ETNPPL: variants seen among roughly 807,000 people sequenced by gnomAD.
ETNPPL encodes the protein alanine--glyoxylate aminotransferase 2-like 1.
In ETNPPL, 30 loss-of-function variants were observed where a neutral mutation model predicts 55.5. The observed-to-expected ratio is 0.54, with a 90% CI of 0.40 to 0.73. ETNPPL has a LOEUF of 0.73. Ranked by LOEUF, ETNPPL falls within the 30% of genes least tolerant of loss-of-function variation. The probability of loss-of-function intolerance (pLI) is 0.00; values close to 1 mark genes in which losing one functional copy is unlikely to be tolerated. For missense variants in ETNPPL, 528 were observed against 607.9 expected, an observed-to-expected ratio of 0.87 and a Z score of 1.38; for synonymous variants, 202 against 207.2, an observed-to-expected ratio of 0.98 and a Z score of 0.21.
chr4:108,762,494 C>T, intron 1 of ETNPPL: 1 of 665,688 alleles, frequency 1.5e-6, no homozygotes, highest in Non-Finnish European at 2.8e-6. Context: ...TGGCGGAGCG[C>T]TATCCTTCTT....
Position 108,742,223 on chromosome 4 carries a change from T to C in ETNPPL, c.*261A>G. On this transcript the variant is annotated 3_prime_UTR_variant, in exon 13 of 13. Coordinates refer to ENST00000296486, the MANE Select transcript of ETNPPL (RefSeq NM_031279.4). ...TAAATCTGCCAATTTATTTTGAGTT[T>C]GCAAGCTTACAATTTAATAGAATAA... 1 of 280,300 alleles carries C rather than the reference T, an allele frequency of 3.6e-6. No homozygotes were observed. Among genetic ancestry groups the C allele is most frequent in the Non-Finnish European group, 6.8e-6 (1 of 146,454 alleles). The allele number at this position is 280,300 out of a possible 1,614,324, so 17.4% of individuals were successfully genotyped here.
At chr4:108,751,146 C>A in intron 6 of ETNPPL, 128 bp from the exon 7 acceptor site, 3 of 501,800 alleles carry the variant, frequency 6.0e-6, no homozygotes, top group South Asian at 3.2e-5. Flanking sequence ...GGCAAATTAG[C>A]CATTTGATTA....
At chr4:108,760,060 T>A (rs1729434535) in intron 2 of ETNPPL, 128 bp downstream of exon 2, 1 of 1,060,984 alleles carries the variant, frequency 9.4e-7, no homozygotes, top group South Asian at 1.5e-5. Context: ...TTTTCCCCAC[T>A]AGGACTACTG....
intron 5 of ETNPPL, 102 bp downstream of exon 5, chr4:108,754,518 T>C: frequency 1.5e-6 from 1 of 689,236 alleles, no homozygotes; most frequent in South Asian, 1.8e-5. Context: ...CTCTTGATTT[T>C]AGTTTCTCTT....
At chr4:108,762,528 T>A (rs970210308) in intron 1 of ETNPPL, 4 of 670,060 alleles carry the variant, frequency 6.0e-6, no homozygotes, top group Non-Finnish European at 1.1e-5. Flanking sequence ...ATCCCTGGAA[T>A]GGTGTCTGCT....
intron 11 of ETNPPL, among the ~76,000 whole-genome samples, chr4:108,744,715 ATTTTTTTTTT>A: frequency 8.3e-6 from 1 of 121,184 alleles, no homozygotes; most frequent in East Asian, 2.4e-4. Context: ...AGAAGTTGAA[ATTTTTTTTTT>A]TTTTTTTTTT....
chr4:108,752,649 T>G (rs998703932), intron 6 of ETNPPL, among the ~76,000 whole-genome samples: 5 of 152,126 alleles, frequency 3.3e-5, no homozygotes, highest in Non-Finnish European at 5.9e-5. Context: ...ACTGAAAAGG[T>G]CAGAATTAGG....
Position 108,759,828 on chromosome 4 carries a change from C to T in ETNPPL, c.256G>A (p.Asp86Asn), listed in dbSNP as rs1462518201. The T allele has an allele frequency of 5.0e-6, 8 of 1,613,902 alleles. No homozygotes were observed. The highest frequency in any genetic ancestry group is 4.0e-5 in the African/African-American group (3 of 74,882). Residue 86 changes from aspartate (D) to asparagine (N), a missense_variant, in exon 3 of 13, where the codon GAC (aspartate) becomes AAC (asparagine). Physicochemically the swap from Asp to Asn is conservative, Grantham distance 23 (BLOSUM62 1). Coordinates refer to ENST00000296486, the MANE Select transcript of ETNPPL (RefSeq NM_031279.4). ...CGTTTGGCATACTCAACAATGTTGT[C>T]GTGGAGGAATCGAGAATTTGTATTT... ...LLNTNSRFLH[D>N]NIVEYAKRLS...
chr4:108,756,432 C>A lies in ETNPPL; in HGVS notation c.396G>T (p.Val132=). 6.2e-7 allele frequency: 1 copy of A among 1,613,796 alleles called. No homozygotes were observed. Among genetic ancestry groups the A allele is most frequent in the Non-Finnish European group, 8.5e-7 (1 of 1,179,646 alleles). The part of the protein sequence containing the change: ...LARQFRGHQD[V]ITLDHAYHGH... ...CCAAGACTTACTGGTCAAGAGTGAT[C>A]ACATCCTGGTGGCCTCTGAACTGCC... Residue 132 remains valine (V), a synonymous_variant, in exon 4 of 13, where the codon GTG becomes GTT. Coordinates refer to ENST00000296486, the MANE Select transcript of ETNPPL (RefSeq NM_031279.4).
rs770833279 is a variant in ETNPPL at position 108,754,657 on chromosome 4, T to C, written c.464A>G (p.Gln155Arg). 1.9e-6 allele frequency: 3 copies of C among 1,598,778 alleles called. No homozygotes were observed. The highest frequency in any genetic ancestry group is 2.6e-6 in the Non-Finnish European group (3 of 1,167,718). The change falls in exon 5 of 13, where the codon CAG (glutamine) becomes CGG (arginine). Residue 155 changes from glutamine to arginine, a missense_variant. Physicochemically the swap from Gln to Arg is conservative, Grantham distance 43. Coordinates refer to ENST00000296486, the MANE Select transcript of ETNPPL (RefSeq NM_031279.4). ...TTCTTTTTTGACATCTTTTCCTTTC[T>C]GAAACTTATATGGGCTAATCTCAAT... ...SLIEISPYKF[Q>R]KGKDVKKEFV... is the part of the protein sequence containing the mutation.
At chr4:108,756,576 C>A in intron 3 of ETNPPL, 84 bp from the exon 4 acceptor site, 1 of 1,029,048 alleles carries the variant, frequency 9.7e-7, no homozygotes, top group Non-Finnish European at 1.5e-6. Context: ...GTAGCTCACG[C>A]CTGTAATCCT....
chr4:108,749,969 C>T (rs1303535954), intron 7 of ETNPPL, among the ~76,000 whole-genome samples: 1 of 152,162 alleles, frequency 6.6e-6, no homozygotes, highest in Non-Finnish European at 1.5e-5. Flanking sequence ...GCTTTGGCCT[C>T]CCAAAGTGCT....
chr4:108,754,572 G>A (rs1729107067), intron 5 of ETNPPL, 48 bp downstream of exon 5: 2 of 965,374 alleles, frequency 2.1e-6, no homozygotes, highest in Non-Finnish European at 3.3e-6. Flanking sequence ...TTATCATTAA[G>A]CATTCCTCCA....
chr4:108,745,094 T>C (rs1399248679), intron 11 of ETNPPL, among the ~76,000 whole-genome samples: 2 of 152,164 alleles, frequency 1.3e-5, no homozygotes, highest in Non-Finnish European at 2.9e-5. Flanking sequence ...CATGATATGC[T>C]CTTCAACATG....
chr4:108,742,569 G>C lies in ETNPPL; in HGVS notation c.1415C>G (p.Thr472Ser). ...TCTGCTGGGATTTTCTTTGGAGTCA[G>C]TGGTGCTGTCCCTAAGCAGTTCTAT... is the stretch of plus-strand genomic sequence containing the variant. ...AHIELLRDSTTDSKENPSRKR... is the reference protein window; with the variant it reads ...AHIELLRDSTSDSKENPSRKR... The change falls in exon 13 of 13, where the codon ACT (threonine) becomes AGT (serine). Residue 472 changes from threonine (T) to serine (S), a missense_variant. By Grantham distance (58) the Thr-to-Ser change is moderately conservative (BLOSUM62 1). Transcript: ENST00000296486. 6.2e-7 allele frequency: 1 copy of C among 1,614,168 alleles called. No homozygotes were observed. The highest frequency in any genetic ancestry group is 1.1e-5 in the South Asian group (1 of 91,076).
chr4:108,752,704 T>A (rs560832111), intron 6 of ETNPPL, among the ~76,000 whole-genome samples, 191 bp downstream of exon 6: 1 of 152,210 alleles, frequency 6.6e-6, no homozygotes, highest in Non-Finnish European at 1.5e-5. Flanking sequence ...CCAGGATAAA[T>A]ACAAGTAGAC....
At chr4:108,743,184 C>T (rs1404756778) in intron 12 of ETNPPL, among the ~76,000 whole-genome samples, 2 of 152,164 alleles carry the variant, frequency 1.3e-5, no homozygotes, top group African/African-American at 4.8e-5. Context: ...ACAAATTATG[C>T]AACAAAGCCT....
chr4:108,749,500 A>C, intron 7 of ETNPPL, 37 bp from the exon 8 acceptor site: 7 of 1,507,770 alleles, frequency 4.6e-6, no homozygotes, highest in Non-Finnish European at 6.4e-6. Context: ...CCTTCAGGTC[A>C]CTGAGATCCC....
chr4:108,760,296 T>C lies in ETNPPL; in HGVS notation c.67A>G (p.Lys23Glu). Reference sequence around the variant, plus strand: ...ATGGGATCCGATGCAAAGAAAACTTTGCATGAGGGCCTAGAAATAATCAAA... The same window carrying C: ...ATGGGATCCGATGCAAAGAAAACTTCGCATGAGGGCCTAGAAATAATCAAA... ...LRKKHIGPSC[K>E]VFFASDPIKI... The change falls in exon 2 of 13, where the codon AAA becomes GAA. Residue 23 changes from lysine to glutamate, a missense_variant. Transcript: ENST00000296486. The C allele has an allele frequency of 1.3e-6, 2 of 1,592,800 alleles. No homozygotes were observed. The highest frequency in any genetic ancestry group is 1.7e-6 in the Non-Finnish European group (2 of 1,161,436).
Sources: gnomAD v4.1 joint callset for allele counts (sites outside exome capture counted in the v4.1 genomes callset) on GRCh38, gnomAD v4.1.1 for gene constraint, MANE v1.5 for transcripts, NCBI Gene and HGNC (gene_info 2026-07-23, HGNC 2026-07-21) for gene names.